Variants in GABRB1 observed in about 807,000 individuals in gnomAD.
The protein encoded by GABRB1 is gamma-aminobutyric acid type A receptor subunit beta1, also known as gamma-aminobutyric acid receptor subunit beta-1.
In GABRB1, 17 loss-of-function variants were observed where a neutral mutation model predicts 51.6. The ratio of observed to expected loss-of-function variants is 0.33; its 90% CI spans 0.23 to 0.49. GABRB1 has a LOEUF of 0.49. GABRB1 is among the 20% of genes least tolerant of loss of function. The pLI, the probability that GABRB1 is intolerant of heterozygous loss-of-function variation, is 0.99. For synonymous variants in GABRB1, 247 were observed against 218.9 expected (o/e 1.13, Z -1.14); for missense variants, 410 against 600.6 (o/e 0.68, Z 3.32).
At chr4:47,410,225 A>G (rs975536846) in intron 8 of GABRB1, among the ~76,000 whole-genome samples, 4 of 152,220 alleles carry the variant, frequency 2.6e-5, no homozygotes, top group Admixed American at 6.5e-5. Flanking sequence ...AATGATTTCC[A>G]CAGAAAAATA....
At chr4:47,150,193 ACACACACAC>A (rs760147024) in intron 3 of GABRB1, among the ~76,000 whole-genome samples, 1 of 17,492 alleles carries the variant, frequency 5.7e-5, no homozygotes, top group South Asian at 3.4e-3. Context: ...ACACACACAC[ACACACACAC>A]ACACACACAC....
chr4:47,231,498 G>A (rs544040208), intron 4 of GABRB1, among the ~76,000 whole-genome samples: 1 of 152,252 alleles, frequency 6.6e-6, no homozygotes, highest in South Asian at 2.1e-4. Context: ...TCACTTCCTT[G>A]TGGCTGTAAA....
intron 3 of GABRB1, among the ~76,000 whole-genome samples, chr4:47,154,509 T>A (rs1379547836): frequency 3.9e-5 from 6 of 152,050 alleles, no homozygotes; most frequent in Non-Finnish European, 5.9e-5. Context: ...ACCTCCCTTT[T>A]TTCAGTTCAG....
chr4:47,356,201 C>A (rs7690574), intron 5 of GABRB1, among the ~76,000 whole-genome samples: 2,948 of 152,234 alleles, frequency 0.019, 116 homozygotes, highest in African/African-American at 0.068. Context: ...TATTTCTCAT[C>A]GTTATATCCT....
At chr4:47,361,899 G>A (rs911959301) in intron 5 of GABRB1, among the ~76,000 whole-genome samples, 2 of 152,112 alleles carry the variant, frequency 1.3e-5, no homozygotes, top group Admixed American at 1.3e-4. Flanking sequence ...TATGGACCTG[G>A]ATCTCAGAGG....
At chr4:47,374,182 C>T (rs762272896) in intron 5 of GABRB1, among the ~76,000 whole-genome samples, 1 of 152,182 alleles carries the variant, frequency 6.6e-6, no homozygotes, top group Non-Finnish European at 1.5e-5. Context: ...TTACATAATT[C>T]TGCAGGCCAG....
intron 3 of GABRB1, among the ~76,000 whole-genome samples, chr4:47,074,052 T>G (rs1727450540): frequency 6.6e-6 from 1 of 152,242 alleles, no homozygotes; most frequent in Non-Finnish European, 1.5e-5. Context: ...TTTAAATATG[T>G]GTAAGATAAA....
At chr4:47,006,147 G>A (rs1445471363) in intron 1 of GABRB1, among the ~76,000 whole-genome samples, 5 of 151,714 alleles carry the variant, frequency 3.3e-5, no homozygotes, top group Middle Eastern at 3.4e-3. Context: ...GAATTATAAC[G>A]AAAAATGTGT....
chr4:47,403,477 T>C lies in GABRB1; in HGVS notation c.682+22T>C, dbSNP rs574592164. On this transcript the variant is annotated intron_variant, in intron 6 of 8. Coordinates refer to ENST00000295454, the MANE Select transcript of GABRB1 (RefSeq NM_000812.4). Reference sequence around the variant, plus strand: ...ACAGGTGAGGTTGTTTCCCCCAAAATGTACTAGGGGTGCTGTGAAAGGAAG... The same window carrying C: ...ACAGGTGAGGTTGTTTCCCCCAAAACGTACTAGGGGTGCTGTGAAAGGAAG... The C allele has an allele frequency of 5.0e-6, 8 of 1,613,692 alleles. No individual in the cohort carries two copies. The East Asian group carries it at 1.1e-4, about 22-fold the overall frequency.
At chr4:47,217,950 G>A (rs1357061066) in intron 4 of GABRB1, among the ~76,000 whole-genome samples, 1 of 151,626 alleles carries the variant, frequency 6.6e-6, no homozygotes, top group Non-Finnish European at 1.5e-5. Flanking sequence ...CTAACTGTAT[G>A]TTTCTACCCA....
chr4:47,020,214 T>A (rs75288171), intron 1 of GABRB1, among the ~76,000 whole-genome samples: 5,314 of 152,186 alleles, frequency 0.035, 327 homozygotes, highest in East Asian at 0.15. Flanking sequence ...ACATCAATCA[T>A]ATTTTATTAG....
At chr4:47,118,930 A>G (rs1213606079) in intron 3 of GABRB1, among the ~76,000 whole-genome samples, 1 of 152,204 alleles carries the variant, frequency 6.6e-6, no homozygotes, top group Non-Finnish European at 1.5e-5. Context: ...GAGAGGGTTA[A>G]TTAAAATAAA....
chr4:47,206,066 A>AAT (rs1161955303), intron 4 of GABRB1, among the ~76,000 whole-genome samples: 1 of 151,958 alleles, frequency 6.6e-6, no homozygotes, highest in East Asian at 1.9e-4. Flanking sequence ...TAAAAAAAAA[A>AAT]TAGCACTGAA....
chr4:47,085,456 T>G (rs900568388), intron 3 of GABRB1, among the ~76,000 whole-genome samples: 11 of 152,346 alleles, frequency 7.2e-5, no homozygotes, highest in Admixed American at 7.2e-4. Flanking sequence ...ACTTAATTTC[T>G]GCGCTCATCA....
chr4:46,998,471 G>A (rs1225208319), intron 1 of GABRB1, among the ~76,000 whole-genome samples: 8 of 152,032 alleles, frequency 5.3e-5, no homozygotes, highest in Admixed American at 2.0e-4. Flanking sequence ...GGTAGCTCAC[G>A]TGTGTAATCC....
chr4:47,071,924 G>A (rs569411045), intron 3 of GABRB1, among the ~76,000 whole-genome samples: 1 of 151,842 alleles, frequency 6.6e-6, no homozygotes, highest in Non-Finnish European at 1.5e-5. Flanking sequence ...GGCGACAGGG[G>A]TGATGAAACT....
At chr4:47,038,130 T>C (rs1424201919) in intron 3 of GABRB1, among the ~76,000 whole-genome samples, 1 of 152,168 alleles carries the variant, frequency 6.6e-6, no homozygotes, top group Non-Finnish European at 1.5e-5. Context: ...TTTGTCTCCA[T>C]CTTACTCCCT....
intron 5 of GABRB1, among the ~76,000 whole-genome samples, chr4:47,355,255 A>G (rs1483108177): frequency 6.6e-6 from 1 of 151,948 alleles, no homozygotes; most frequent in African/African-American, 2.4e-5. Context: ...GTTTGGGATT[A>G]CTGGCGTGAG....
At chr4:47,118,541 G>A (rs1240242115) in intron 3 of GABRB1, among the ~76,000 whole-genome samples, 1 of 152,146 alleles carries the variant, frequency 6.6e-6, no homozygotes, top group Non-Finnish European at 1.5e-5. Flanking sequence ...TGAAATGTAA[G>A]AGAAAATGCC....
Sources: gnomAD v4.1 joint callset for allele counts (sites outside exome capture counted in the v4.1 genomes callset) on GRCh38, gnomAD v4.1.1 for gene constraint, MANE v1.5 for transcripts, NCBI Gene and HGNC (gene_info 2026-07-23, HGNC 2026-07-21) for gene names.